The following KCNK2 variants were observed in gnomAD, a reference collection of about 807,000 sequenced individuals.
KCNK2 encodes potassium two pore domain channel subfamily K member 2, also known as potassium channel subfamily K member 2.
KCNK2 carries 21 observed loss-of-function variants against 40.5 expected under a neutral mutation model. The observed-to-expected ratio is 0.52, with a 90% CI of 0.37 to 0.75. The LOEUF is 0.75. Among genes scored for constraint, KCNK2 ranks in the 30% least tolerant of loss-of-function variants. The pLI, the probability that KCNK2 is intolerant of heterozygous loss-of-function variation, is 0.00. For synonymous variants in KCNK2, 191 were observed against 202.2 expected (o/e 0.94, Z 0.47); for missense variants, 399 against 531.6 (o/e 0.75, Z 2.45).
chr1:215,193,988 A>C (rs1236705024), intron 5 of KCNK2, among the ~76,000 whole-genome samples: 1 of 152,144 alleles, frequency 6.6e-6, no homozygotes, highest in Non-Finnish European at 1.5e-5. Flanking sequence ...CACTTCTTCT[A>C]TGTCCTCTCA....
At chr1:215,100,674 C>T (rs550971541) in intron 2 of KCNK2, among the ~76,000 whole-genome samples, 3 of 152,050 alleles carry the variant, frequency 2.0e-5, no homozygotes, top group Non-Finnish European at 2.9e-5. Flanking sequence ...TCTCAGAACA[C>T]CCAATTTACT....
At position 215,064,185 on chromosome 1, in the gene KCNK2, C is replaced by T. The variant is rs149800034; in HGVS notation, c.35-22183C>T. ...AAAGAAAATTAGAGAAAGGAGATTC[C>T]GTGTGAAACATTTATGCTAAAGTAC... On this transcript the variant is annotated intron_variant, in intron 1 of 6. Coordinates refer to the KCNK2 transcript ENST00000391895. 4.5e-3 allele frequency among the ~76,000 whole-genome samples: 691 copies of T among 152,194 alleles called. 8 individuals are homozygous for T. Among genetic ancestry groups the T allele is most frequent in the Admixed American group, 0.019 (286 of 15,272 alleles).
intron 1 of KCNK2, among the ~76,000 whole-genome samples, chr1:215,027,368 G>A (rs1323864458): frequency 6.6e-6 from 1 of 152,032 alleles, no homozygotes; most frequent in Admixed American, 6.6e-5. Context: ...AGAATACATT[G>A]AGTCTTGGTT....
At chr1:215,191,760 G>A (rs576489228) in intron 5 of KCNK2, among the ~76,000 whole-genome samples, 1 of 152,296 alleles carries the variant, frequency 6.6e-6, no homozygotes, top group East Asian at 1.9e-4. Context: ...TCTTAAAATG[G>A]AAAGGATTTA....
chr1:215,094,052 C>T (rs1659872863), intron 2 of KCNK2, among the ~76,000 whole-genome samples: 2 of 146,712 alleles, frequency 1.4e-5, no homozygotes, highest in Non-Finnish European at 3.0e-5. Context: ...TTGCACCAAC[C>T]TAATACAATG....
intron 2 of KCNK2, among the ~76,000 whole-genome samples, chr1:215,102,347 A>C (rs1351415901): frequency 6.6e-6 from 1 of 152,056 alleles, no homozygotes; most frequent in African/African-American, 2.4e-5. Flanking sequence ...TGATTTAAAA[A>C]GTAAAAAATA....
At chr1:215,120,806 C>A (rs889941314) in intron 2 of KCNK2, among the ~76,000 whole-genome samples, 8 of 152,128 alleles carry the variant, frequency 5.3e-5, no homozygotes, top group African/African-American at 1.9e-4. Context: ...AAAATCGAAC[C>A]ATTTTATATT....
intron 1 of KCNK2, among the ~76,000 whole-genome samples, chr1:215,027,021 AT>A (rs939595151): frequency 2.0e-5 from 3 of 151,838 alleles, no homozygotes; most frequent in African/African-American, 4.8e-5. Flanking sequence ...TTTTCAAGGC[AT>A]TTTTTTTCTC....
At chr1:215,088,790 A>G (rs1439500844) in intron 2 of KCNK2, among the ~76,000 whole-genome samples, 9 of 152,172 alleles carry the variant, frequency 5.9e-5, no homozygotes, top group Non-Finnish European at 8.8e-5. Flanking sequence ...AAATCAAAAT[A>G]TGACCTAATT....
In KCNK2 at chr1:215,227,427, GAGA is replaced by G. The variant is rs1489134597; in HGVS notation, c.964-7396_964-7394del. Among the ~76,000 whole-genome samples the G allele has an allele frequency of 2.0e-5, 3 of 152,302 alleles. No individual in the cohort carries two copies. In the East Asian group the frequency reaches 5.8e-4, roughly 29 times the overall value. Reference sequence around the variant, plus strand: ...AATGAATGAACAAAGGCAAAAGAGAGAGAAGAATTTTGAGGAAATAAAAGAAAC... The same window carrying G: ...AATGAATGAACAAAGGCAAAAGAGAGAGAATTTTGAGGAAATAAAAGAAAC... On this transcript the variant is annotated intron_variant, in intron 6 of 6. Transcript: ENST00000444842.
intron 3 of KCNK2, among the ~76,000 whole-genome samples, chr1:215,142,008 A>T (rs1662194791): frequency 6.6e-6 from 1 of 151,672 alleles, no homozygotes; most frequent in Non-Finnish European, 1.5e-5. Context: ...TCTTTCTTCC[A>T]TTACTTTTTT....
intron 1 of KCNK2, among the ~76,000 whole-genome samples, chr1:215,045,315 G>A (rs1250643932): frequency 6.6e-6 from 1 of 152,138 alleles, no homozygotes; most frequent in Non-Finnish European, 1.5e-5. Context: ...TAGAATAACC[G>A]TTGGTAGTCC....
At chr1:215,081,039 A>G (rs1218854239), upstream of KCNK2, among the ~76,000 whole-genome samples, 2 of 152,192 alleles carry the variant, frequency 1.3e-5, no homozygotes, top group Admixed American at 6.5e-5. Context: ...AGACTGAAGC[A>G]TCGACTCTTG....
chr1:215,169,396 G>A, intron 4 of KCNK2, 37 bp downstream of exon 4: 4 of 1,487,300 alleles, frequency 2.7e-6, no homozygotes, highest in Non-Finnish European at 3.6e-6. Flanking sequence ...TATATTTATT[G>A]TTTGATTTTT....
At chr1:215,086,310 C>A in intron 1 of KCNK2, 58 bp from the exon 2 acceptor site, 1 of 1,397,260 alleles carries the variant, frequency 7.2e-7, no homozygotes, top group Non-Finnish European at 1.0e-6. Context: ...AAAGAAGAAG[C>A]CCGACCAATT....
At chr1:215,094,368 T>G (rs1269679204) in intron 2 of KCNK2, among the ~76,000 whole-genome samples, 2 of 152,110 alleles carry the variant, frequency 1.3e-5, no homozygotes, top group Non-Finnish European at 2.9e-5. Context: ...TGTAACCTTC[T>G]TGGATGTATA....
At chr1:215,138,303 A>G (rs929074605) in intron 3 of KCNK2, among the ~76,000 whole-genome samples, 4 of 152,198 alleles carry the variant, frequency 2.6e-5, no homozygotes, top group African/African-American at 9.6e-5. Context: ...TAAATATGAT[A>G]CAAAATGTTA....
At chr1:215,131,508 T>A (rs1294142796) in intron 3 of KCNK2, among the ~76,000 whole-genome samples, 6 of 147,438 alleles carry the variant, frequency 4.1e-5, no homozygotes, top group East Asian at 2.0e-4. Context: ...ATATATAAAA[T>A]TATATTAATT....
At chr1:215,015,496 G>A (rs973193924) in intron 1 of KCNK2, among the ~76,000 whole-genome samples, 5 of 152,046 alleles carry the variant, frequency 3.3e-5, no homozygotes, top group Non-Finnish European at 4.4e-5. Context: ...GGTCTTTGGC[G>A]GGTAACTCTT....
Sources: gnomAD v4.1 joint callset for allele counts (sites outside exome capture counted in the v4.1 genomes callset) on GRCh38, gnomAD v4.1.1 for gene constraint, MANE v1.5 for transcripts, NCBI Gene and HGNC (gene_info 2026-07-23, HGNC 2026-07-21) for gene names.